The following MYO16 variants were observed in gnomAD, a reference collection of about 807,000 sequenced individuals.
The protein encoded by MYO16 is unconventional myosin-XVI.
Under a neutral mutation model 205.3 loss-of-function variants are expected in MYO16, and 94 were observed. The observed-to-expected ratio is 0.46, with a 90% CI of 0.39 to 0.54. MYO16 has a LOEUF of 0.54. Among genes scored for constraint, MYO16 ranks in the 20% least tolerant of loss-of-function variants. The pLI, the probability that MYO16 is intolerant of heterozygous loss-of-function variation, is 0.00. For synonymous variants in MYO16, 988 were observed against 954.0 expected, an observed-to-expected ratio of 1.04 and a Z score of -0.66; for missense variants, 2,315 against 2,387.5, an observed-to-expected ratio of 0.97 and a Z score of 0.63.
At chr13:108,714,262 C>T (rs990109257) in intron 3 of MYO16, among the ~76,000 whole-genome samples, 1 of 152,158 alleles carries the variant, frequency 6.6e-6, no homozygotes, top group Non-Finnish European at 1.5e-5. Flanking sequence ...TCACCATGTT[C>T]GCTAGGATAG....
chr13:108,762,883 G>T (rs552574835), intron 4 of MYO16, among the ~76,000 whole-genome samples: 50 of 152,004 alleles, frequency 3.3e-4, no homozygotes, highest in Non-Finnish European at 6.6e-4. Flanking sequence ...CATTCTGAGG[G>T]GTTTACCTTT....
intron 23 of MYO16, among the ~76,000 whole-genome samples, chr13:109,045,270 A>G (rs1887003577): frequency 6.6e-6 from 1 of 152,190 alleles, no homozygotes; most frequent in African/African-American, 2.4e-5. Context: ...TTCTCTGTGC[A>G]CACACGGATG....
intron 1 of MYO16, among the ~76,000 whole-genome samples, chr13:108,660,217 CT>C (rs1881442700): frequency 6.6e-6 from 1 of 152,102 alleles, no homozygotes; most frequent in African/African-American, 2.4e-5. Flanking sequence ...GGACATTTGC[CT>C]TGTTAAAAGG....
chr13:108,524,158 G>A, the MYO16 span, among the ~76,000 whole-genome samples: 1 of 152,052 alleles, frequency 6.6e-6, no homozygotes, highest in Non-Finnish European at 1.5e-5. Context: ...AAATTAGCCT[G>A]GGGTGGCAGT....
chr13:108,894,255 A>G (rs1193061188), intron 14 of MYO16, among the ~76,000 whole-genome samples: 5 of 152,128 alleles, frequency 3.3e-5, no homozygotes, highest in Non-Finnish European at 7.4e-5. Flanking sequence ...GGGGATTACA[A>G]TTCGACTCGA....
At chr13:109,109,121 C>G (rs767861608) in intron 28 of MYO16, among the ~76,000 whole-genome samples, 8 of 152,166 alleles carry the variant, frequency 5.3e-5, no homozygotes, top group Non-Finnish European at 8.8e-5. Flanking sequence ...CTAACAACTA[C>G]TGAAAGAGGG....
chr13:109,161,424 G>A (rs1038053628), intron 32 of MYO16, among the ~76,000 whole-genome samples: 5 of 152,190 alleles, frequency 3.3e-5, no homozygotes, highest in Admixed American at 1.3e-4. Flanking sequence ...GTTGTGAAAT[G>A]TTTACACAGA....
At chr13:108,504,874 T>A in the MYO16 span, among the ~76,000 whole-genome samples, 2 of 152,316 alleles carry the variant, frequency 1.3e-5, no homozygotes, top group South Asian at 2.1e-4. Flanking sequence ...GAGTTGACTC[T>A]TCTAGGTACT....
chr13:109,159,812 G>A (rs1158938115), intron 32 of MYO16, among the ~76,000 whole-genome samples: 4 of 152,340 alleles, frequency 2.6e-5, no homozygotes, highest in Admixed American at 1.3e-4. Flanking sequence ...TGACAGGGCC[G>A]GGAAGGCAAG....
chr13:108,688,406 A>G (rs1308434009), intron 2 of MYO16, among the ~76,000 whole-genome samples: 7 of 152,168 alleles, frequency 4.6e-5, no homozygotes, highest in Admixed American at 4.6e-4. Flanking sequence ...TTAAAACTAG[A>G]AGTTACAATT....
the MYO16 span, among the ~76,000 whole-genome samples, chr13:108,564,088 A>C: frequency 6.6e-6 from 1 of 151,700 alleles, no homozygotes; most frequent in African/African-American, 2.4e-5. Flanking sequence ...ATCTCTAATG[A>C]TCAATAATGT....
At chr13:108,718,156 T>C (rs1884021925) in intron 3 of MYO16, among the ~76,000 whole-genome samples, 1 of 152,092 alleles carries the variant, frequency 6.6e-6, no homozygotes, top group Non-Finnish European at 1.5e-5. Flanking sequence ...CAGAAAATAA[T>C]GTATTTTGTA....
intron 29 of MYO16, among the ~76,000 whole-genome samples, chr13:109,124,113 G>A (rs140581048): frequency 1.3e-5 from 2 of 152,276 alleles, no homozygotes; most frequent in East Asian, 3.9e-4. Flanking sequence ...CACACTCAGG[G>A]CCCAGGAAGC....
rs755955306 is a variant in MYO16, at chr13:109,141,351, G to C, written c.5139G>C (p.Ala1713=). ...SGRSVLRKSA[A]GRKIREAEGF... The stretch of plus-strand genomic sequence containing the variant: ...GGAGTGTGCTTCGGAAATCCGCGGC[G>C]GGAAGAAAAATCAGGGAAGCAGAAG... Residue 1713 remains alanine, a synonymous_variant, in exon 32 of 35, where the codon GCG becomes GCC. Coordinates refer to ENST00000457511, the MANE Select transcript of MYO16 (RefSeq NM_001198950.3). This position sits in a 1 kb window ranked among gnomAD's most constrained non-coding sequence, Gnocchi z 4.1. The C allele has an allele frequency of 6.5e-7, 1 of 1,544,912 alleles. No homozygotes were observed. The highest frequency in any genetic ancestry group is 1.2e-5 in the South Asian group (1 of 82,524).
intron 2 of MYO16, among the ~76,000 whole-genome samples, chr13:108,678,496 C>T (rs933277024): frequency 1.3e-5 from 2 of 152,180 alleles, no homozygotes; most frequent in African/African-American, 2.4e-5. Flanking sequence ...GAACTTCTCT[C>T]TTCCATTGTC....
chr13:109,137,185 A>G lies in MYO16; in HGVS notation c.4052-3079A>G, dbSNP rs1174600000. ...ACAGCATGGCTGCTTCAGGGTGTAC[A>G]GGCCTGTACATGGAAGTCAGGGCTA... On this transcript the variant is annotated intron_variant, in intron 31 of 34. Transcript: ENST00000457511. Among the ~76,000 whole-genome samples the G allele has an allele frequency of 3.3e-5, 5 of 152,286 alleles. No individual in the cohort carries two copies. The East Asian group carries it at 9.7e-4, about 29-fold the overall frequency.
intron 2 of MYO16, among the ~76,000 whole-genome samples, chr13:108,685,624 G>A (rs7335757): frequency 0.34 from 51,746 of 151,980 alleles, 8,964 homozygotes; most frequent in Middle Eastern, 0.42. Context: ...CAAATATCCC[G>A]TTCTGGTGTG....
the MYO16 span, among the ~76,000 whole-genome samples, chr13:108,524,319 TAA>T: frequency 1.5e-5 from 1 of 67,950 alleles, no homozygotes; most frequent in African/African-American, 3.5e-5. Flanking sequence ...AAAAAATAAA[TAA>T]ATAAATAAAT....
intron 23 of MYO16, among the ~76,000 whole-genome samples, chr13:109,030,076 C>T (rs1886500203): frequency 6.6e-6 from 1 of 151,282 alleles, no homozygotes; most frequent in African/African-American, 2.4e-5. Context: ...TTCTAGATAT[C>T]TAGATGGGAC....
Sources: gnomAD v4.1 joint callset for allele counts (sites outside exome capture counted in the v4.1 genomes callset) on GRCh38, gnomAD v4.1.1 for gene constraint, Gnocchi (gnomAD v3.1) non-coding constraint, MANE v1.5 for transcripts, NCBI Gene and HGNC (gene_info 2026-07-23, HGNC 2026-07-21) for gene names.